CCDC7: variants seen among roughly 807,000 people sequenced by gnomAD.
CCDC7 encodes coiled-coil domain containing 7.
Under a neutral mutation model 196.9 loss-of-function variants are expected in CCDC7, and 183 were observed. The observed-to-expected ratio is 0.93, with a 90% confidence interval of 0.82 to 1.05. The LOEUF (loss-of-function observed/expected upper bound fraction) is 1.05. Ranked by LOEUF, CCDC7 falls within the 50% of genes least tolerant of loss-of-function variation. The probability of loss-of-function intolerance (pLI) is 0.00; values close to 1 mark genes in which losing one functional copy is unlikely to be tolerated. For missense variants in CCDC7, 1,540 were observed against 1,482.2 expected, an observed-to-expected ratio of 1.04 and a Z score of -0.64; for synonymous variants, 525 against 484.6, an observed-to-expected ratio of 1.08 and a Z score of -1.10.
intron 8 of CCDC7, among the ~76,000 whole-genome samples, chr10:32,476,999 G>A (rs1269156423): frequency 6.6e-6 from 1 of 152,052 alleles, no homozygotes; most frequent in Non-Finnish European, 1.5e-5. Context: ...CTCTCAGTCT[G>A]TGGCTTATCT....
In CCDC7 at chr10:32,704,971, G is replaced by A. The variant is rs373093209; in HGVS notation, c.2459-6649G>A. Among the ~76,000 whole-genome samples, 7 of 152,252 alleles carry A rather than the reference G, an allele frequency of 4.6e-5. No homozygotes were observed. The East Asian group carries it at 1.2e-3, about 25-fold the overall frequency. ...ACCCCTTGCACTTCCCGGGTGAGGC[G>A]ATGCCTCGCCCTGCTTCGGGTCCCG... On this transcript the variant is annotated intron_variant, in intron 24 of 41. Transcript: ENST00000639629.
chr10:32,462,531 A>T lies in CCDC7; in HGVS notation c.457-152A>T, dbSNP rs909213660. On this transcript the variant is annotated intron_variant, in intron 3 of 41. Coordinates refer to ENST00000639629, the Ensembl canonical transcript of CCDC7. ...TAAAAGCACTGTCTGTAAATAAAAA[A>T]TTTTAAGTTTCAACTACAGATTTAT... The T allele has an allele frequency of 2.0e-5, 11 of 537,826 alleles. No individual in the cohort carries two copies. The African/African-American group carries it at 2.2e-4, about 11-fold the overall frequency. 33.3% of individuals were successfully genotyped at this position (537,826 alleles called of 1,614,324 possible). A position where few individuals can be genotyped will look rare whatever the true frequency, so the allele number is the denominator to read the frequency against.
intron 29 of CCDC7, among the ~76,000 whole-genome samples, chr10:32,782,113 G>A (rs1322049634): frequency 1.3e-5 from 2 of 151,874 alleles, no homozygotes; most frequent in African/African-American, 2.4e-5. Flanking sequence ...GAAGGCAAAA[G>A]GCAAAAGACT....
At chr10:32,669,080 C>T (rs963744327) in intron 21 of CCDC7, among the ~76,000 whole-genome samples, 1 of 151,924 alleles carries the variant, frequency 6.6e-6, no homozygotes. Flanking sequence ...TCCTCCTATA[C>T]CTAACTGGTT....
chr10:32,491,807 C>A, intron 8 of CCDC7, 115 bp from the exon 10 acceptor site: 1 of 978,490 alleles, frequency 1.0e-6, no homozygotes, highest in Non-Finnish European at 1.4e-6. Flanking sequence ...GTAGCCCATG[C>A]TAGCCCCTCT....
chr10:32,482,913 G>T (rs1471052255), intron 8 of CCDC7, among the ~76,000 whole-genome samples: 32 of 152,088 alleles, frequency 2.1e-4, no homozygotes, highest in Non-Finnish European at 4.0e-4. Flanking sequence ...GGACATTTGG[G>T]TTGGTTCCAA....
intron 20 of CCDC7, among the ~76,000 whole-genome samples, chr10:32,638,466 C>T (rs1245714804): frequency 1.2e-4 from 18 of 152,058 alleles, no homozygotes; most frequent in Admixed American, 2.0e-4. Context: ...TCAAAGGCCT[C>T]TTCTGCATCT....
chr10:32,875,476 C>T (rs1313672510), intron 41 of CCDC7, among the ~76,000 whole-genome samples: 1 of 151,984 alleles, frequency 6.6e-6, no homozygotes, highest in East Asian at 1.9e-4. Flanking sequence ...GCCCTCTGTT[C>T]TGTTTCATTG....
At chr10:32,485,118 C>G (rs2040769252) in intron 8 of CCDC7, among the ~76,000 whole-genome samples, 1 of 152,176 alleles carries the variant, frequency 6.6e-6, no homozygotes, top group African/African-American at 2.4e-5. Flanking sequence ...GCTGTGAATC[C>G]ATCTGGTCCT....
At chr10:32,568,302 G>A (rs1239683839) in intron 15 of CCDC7, among the ~76,000 whole-genome samples, 4 of 152,078 alleles carry the variant, frequency 2.6e-5, no homozygotes, top group Admixed American at 1.3e-4. Context: ...ACCGCGCCCG[G>A]CCTTTGGATT....
chr10:32,495,190 C>A (rs1168199962), intron 9 of CCDC7, among the ~76,000 whole-genome samples: 1 of 151,536 alleles, frequency 6.6e-6, no homozygotes, highest in Non-Finnish European at 1.5e-5. Context: ...GCATAAATGT[C>A]TTGAGAAATG....
At chr10:32,782,258 T>C (rs1462163506) in intron 29 of CCDC7, among the ~76,000 whole-genome samples, 1 of 151,436 alleles carries the variant, frequency 6.6e-6, no homozygotes, top group East Asian at 1.9e-4. Flanking sequence ...TGAGATTGAG[T>C]CTTCCTCTGT....
chr10:32,574,339 A>T, intron 16 of CCDC7: 1 of 761,680 alleles, frequency 1.3e-6, no homozygotes, highest in Non-Finnish European at 1.8e-6. Flanking sequence ...ATTACATATT[A>T]TATTATGTTG....
intron 24 of CCDC7, among the ~76,000 whole-genome samples, chr10:32,697,165 A>G (rs1207384733): frequency 6.6e-6 from 1 of 152,208 alleles, no homozygotes; most frequent in Non-Finnish European, 1.5e-5. Context: ...ACAGTGACAG[A>G]TCATCAGGCA....
At chr10:32,868,121 T>C (rs1321344161) in intron 41 of CCDC7, among the ~76,000 whole-genome samples, 2 of 152,012 alleles carry the variant, frequency 1.3e-5, no homozygotes, top group Admixed American at 6.6e-5. Flanking sequence ...AACTGAATCA[T>C]ATTACATTGT....
chr10:32,686,323 C>T (rs1310561947), intron 22 of CCDC7, among the ~76,000 whole-genome samples: 1 of 152,104 alleles, frequency 6.6e-6, no homozygotes, highest in East Asian at 1.9e-4. Flanking sequence ...CAATAGCAGG[C>T]CAATAATTGT....
At chr10:32,607,533 G>A (rs1280458790) in intron 18 of CCDC7, among the ~76,000 whole-genome samples, 1 of 152,088 alleles carries the variant, frequency 6.6e-6, no homozygotes, top group African/African-American at 2.4e-5. Context: ...GAGTTTTTAT[G>A]ATGAAACAAT....
chr10:32,574,263 A>T lies in CCDC7; in HGVS notation c.1454+2370A>T, dbSNP rs193163149. ...ATGAAATAGGTTGTTTCAGCTTGAT[A>T]GGTTTTATAGAATTGCACTTAATAG... On this transcript the variant is annotated intron_variant, in intron 16 of 41. Transcript: ENST00000639629. Among the ~76,000 whole-genome samples, 27 of 150,182 alleles carry T rather than the reference A, an allele frequency of 1.8e-4. No homozygotes were observed. In the East Asian group the frequency reaches 5.0e-3, roughly 28 times the overall value.
intron 31 of CCDC7, among the ~76,000 whole-genome samples, chr10:32,818,131 G>A (rs1273429135): frequency 2.0e-5 from 3 of 152,072 alleles, no homozygotes; most frequent in East Asian, 1.9e-4. Context: ...CAAAATAAAG[G>A]GATGGAGGAA....
Sources: allele counts gnomAD v4.1 joint callset (sites outside exome capture counted in the v4.1 genomes callset), GRCh38; gene constraint gnomAD v4.1.1; transcripts MANE v1.5; gene names NCBI Gene and HGNC (gene_info 2026-07-23, HGNC 2026-07-21).